The following SLIT3 variants were observed in gnomAD, a reference collection of about 807,000 sequenced individuals.
SLIT3 encodes the protein slit homolog 3 protein.
A neutral mutation model predicts 184.0 loss-of-function variants in SLIT3; 68 were observed. The ratio of observed to expected loss-of-function variants is 0.37; its 90% CI spans 0.30 to 0.45. SLIT3 has a LOEUF of 0.45. SLIT3 is among the 20% of genes least tolerant of loss of function. The probability of loss-of-function intolerance (pLI) is 1.00; values close to 1 mark genes in which losing one functional copy is unlikely to be tolerated. For synonymous variants in SLIT3, 831 were observed against 828.6 expected (o/e 1.00, Z -0.05); for missense variants, 1,707 against 2,026.0 (o/e 0.84, Z 3.02).
chr5:168,693,505 G>T (rs1237394248), intron 28 of SLIT3, among the ~76,000 whole-genome samples: 1 of 152,202 alleles, frequency 6.6e-6, no homozygotes, highest in Non-Finnish European at 1.5e-5. Context: ...TTAGGAATGT[G>T]GGGGAGGGCG....
intron 4 of SLIT3, among the ~76,000 whole-genome samples, chr5:169,070,431 T>C (rs1172852099): frequency 6.6e-6 from 1 of 152,192 alleles, no homozygotes; most frequent in Non-Finnish European, 1.5e-5. Context: ...CTGTCTCTTG[T>C]CACTGACTGT....
At chr5:168,845,734 TA>T (rs1261293962) in intron 5 of SLIT3, among the ~76,000 whole-genome samples, 1 of 152,064 alleles carries the variant, frequency 6.6e-6, no homozygotes, top group African/African-American at 2.4e-5. Flanking sequence ...CTTTATTCCT[TA>T]AAAAACCATA....
At chr5:169,244,318 C>G (rs932036176) in intron 3 of SLIT3, among the ~76,000 whole-genome samples, 1 of 152,202 alleles carries the variant, frequency 6.6e-6, no homozygotes, top group Non-Finnish European at 1.5e-5. Flanking sequence ...AGCTTCTGCC[C>G]GTGCAGAGGA....
intron 9 of SLIT3, among the ~76,000 whole-genome samples, chr5:168,797,777 A>C (rs1756618366): frequency 6.6e-6 from 1 of 152,172 alleles, no homozygotes; most frequent in Non-Finnish European, 1.5e-5. Context: ...TATTGGCCCC[A>C]TTTTGCAGAT....
At chr5:168,699,391 C>T (rs1471215581) in intron 27 of SLIT3, among the ~76,000 whole-genome samples, 1 of 152,240 alleles carries the variant, frequency 6.6e-6, no homozygotes, top group Non-Finnish European at 1.5e-5. Context: ...GGTGCCCCTG[C>T]CTTTATTGCC....
intron 4 of SLIT3, among the ~76,000 whole-genome samples, chr5:169,166,433 G>A (rs1308708344): frequency 6.6e-6 from 1 of 152,188 alleles, no homozygotes; most frequent in Non-Finnish European, 1.5e-5. Context: ...GTGGGCTGAG[G>A]TGGCAGAAAC....
intron 20 of SLIT3, among the ~76,000 whole-genome samples, chr5:168,734,002 C>A (rs1763361140): frequency 6.6e-6 from 1 of 151,868 alleles, no homozygotes; most frequent in Admixed American, 6.6e-5. Context: ...CATGGACATA[C>A]CGAGTAGAAT....
intron 4 of SLIT3, among the ~76,000 whole-genome samples, chr5:169,162,456 C>T (rs1016525564): frequency 6.6e-6 from 1 of 152,218 alleles, no homozygotes; most frequent in South Asian, 2.1e-4. Flanking sequence ...TCAGACCTCT[C>T]AAGCAACACA....
intron 3 of SLIT3, among the ~76,000 whole-genome samples, chr5:169,218,688 G>A (rs1764523861): frequency 6.6e-6 from 1 of 152,202 alleles, no homozygotes; most frequent in African/African-American, 2.4e-5. Flanking sequence ...CTAACTCACT[G>A]GGTAGTTCTG....
rs1758620950 is a variant in SLIT3 at position 169,073,337 on chromosome 5, CACA to C, written c.413+120139_413+120141del. 2.0e-5 allele frequency among the ~76,000 whole-genome samples: 3 copies of C among 152,300 alleles called. No individual in the cohort carries two copies. The South Asian group carries it at 6.2e-4, about 32-fold the overall frequency. ...AGTTGGGCCTTGGATATACAATAAT[CACA>C]CCATGCTGCACAAGGTTCAATCTTA... On this transcript the variant is annotated intron_variant, in intron 4 of 35. Transcript: ENST00000519560.
At chr5:168,722,353 G>C (rs1000445436) in intron 22 of SLIT3, 26 bp from the exon 23 acceptor site, 2 of 1,608,658 alleles carry the variant, frequency 1.2e-6, no homozygotes, top group Non-Finnish European at 1.7e-6. Flanking sequence ...CATGTGCCCT[G>C]TTGTGTCTTT....
At chr5:168,772,600 T>C (rs1755594263) in intron 14 of SLIT3, 181 bp downstream of exon 14, 3 of 618,498 alleles carry the variant, frequency 4.9e-6, no homozygotes, top group Non-Finnish European at 8.5e-6. Flanking sequence ...GTGTGTTTTA[T>C]TTTAAATCCA....
chr5:169,027,950 G>T (rs927537129), intron 4 of SLIT3, among the ~76,000 whole-genome samples: 5 of 152,122 alleles, frequency 3.3e-5, no homozygotes, highest in African/African-American at 1.2e-4. Flanking sequence ...GAGGGAGAGT[G>T]GTTTTCATTA....
intron 3 of SLIT3, among the ~76,000 whole-genome samples, chr5:169,213,767 A>G (rs1764347519): frequency 6.6e-6 from 1 of 152,218 alleles, no homozygotes; most frequent in Non-Finnish European, 1.5e-5. Context: ...TTCTCTTCCT[A>G]CTATATCCCC....
At chr5:168,928,092 T>A (rs1175980083) in intron 4 of SLIT3, among the ~76,000 whole-genome samples, 1 of 152,240 alleles carries the variant, frequency 6.6e-6, no homozygotes, top group African/African-American at 2.4e-5. Context: ...AAGTGTTACC[T>A]TCCCAGTACC....
chr5:169,247,220 A>AT (rs1765623939), intron 2 of SLIT3, among the ~76,000 whole-genome samples: 1 of 131,328 alleles, frequency 7.6e-6, no homozygotes, highest in East Asian at 2.7e-4. Context: ...TGTCTCAAAA[A>AT]AAAAAAAAAA....
chr5:169,045,516 TC>T (rs973641072), intron 4 of SLIT3, among the ~76,000 whole-genome samples: 7 of 152,138 alleles, frequency 4.6e-5, no homozygotes, highest in African/African-American at 1.7e-4. Flanking sequence ...ATCCACACTT[TC>T]CAGGGCATTG....
intron 4 of SLIT3, among the ~76,000 whole-genome samples, chr5:169,089,506 C>T (rs1474142845): frequency 6.6e-6 from 1 of 152,212 alleles, no homozygotes; most frequent in Non-Finnish European, 1.5e-5. Flanking sequence ...TTCCCTTCTG[C>T]TCCAAGCAAA....
chr5:168,793,453 G>A (rs769023975), intron 10 of SLIT3, among the ~76,000 whole-genome samples: 2 of 152,038 alleles, frequency 1.3e-5, no homozygotes, highest in East Asian at 3.9e-4. Flanking sequence ...TCCATTAGTC[G>A]AACATTTTTA....
Sources: allele counts gnomAD v4.1 joint callset (sites outside exome capture counted in the v4.1 genomes callset), GRCh38; gene constraint gnomAD v4.1.1; transcripts MANE v1.5; gene names NCBI Gene and HGNC (gene_info 2026-07-23, HGNC 2026-07-21).